The following DHX29 variants were observed in gnomAD, a reference collection of about 807,000 sequenced individuals.
DHX29 encodes the protein ATP-dependent RNA helicase DHX29.
DHX29 carries 79 observed loss-of-function variants against 167.9 expected under a neutral mutation model. That is an observed-to-expected ratio of 0.47 (90% CI 0.39 to 0.57). DHX29 has a LOEUF of 0.57. DHX29 is among the 20% of genes least tolerant of loss of function. The pLI is 0.00. For synonymous variants in DHX29, 530 were observed against 546.0 expected, an observed-to-expected ratio of 0.97 and a Z score of 0.41; for missense variants, 1,347 against 1,593.4, an observed-to-expected ratio of 0.85 and a Z score of 2.63.
At position 55,256,351 on chromosome 5, in the gene DHX29, T is replaced by C. The variant is rs563133509; in HGVS notation, c.*137A>G. ...ATACATGTTTAAAGTATGTGCTTTT[T>C]TCCCACCACCTTTAAGTTAATGGCT... On this transcript the variant is annotated 3_prime_UTR_variant, in exon 27 of 27. Transcript: ENST00000251636. The C allele has an allele frequency of 3.3e-5, 21 of 629,472 alleles. No homozygotes were observed. The highest frequency in any genetic ancestry group is 4.8e-5 in the Non-Finnish European group (19 of 399,706). 39.0% of individuals were successfully genotyped at this position (629,472 alleles called of 1,614,324 possible).
intron 20 of DHX29, 90 bp downstream of exon 20, chr5:55,270,322 A>C (rs1372964841): frequency 7.2e-6 from 10 of 1,383,796 alleles, no homozygotes; most frequent in Non-Finnish European, 9.7e-6. Context: ...TGAAAATCTA[A>C]AGCAATATAA....
At chr5:55,277,309 TTCA>T (rs1462927493) in intron 12 of DHX29, 27 bp from the exon 13 acceptor site, 3 of 1,499,946 alleles carry the variant, frequency 2.0e-6, no homozygotes, top group African/African-American at 2.8e-5. Flanking sequence ...AATAAAAAAG[TTCA>T]TCATATATTG....
intron 23 of DHX29, among the ~76,000 whole-genome samples, chr5:55,266,744 T>C (rs1026778825): frequency 1.3e-5 from 2 of 151,998 alleles, no homozygotes; most frequent in Non-Finnish European, 2.9e-5. Context: ...GTCTCCTGAG[T>C]AGCTGGGACT....
intron 26 of DHX29, among the ~76,000 whole-genome samples, chr5:55,256,778 A>G (rs116482711): frequency 0.032 from 4,820 of 152,334 alleles, 101 homozygotes; most frequent in Non-Finnish European, 0.046. Flanking sequence ...AACAGATAAC[A>G]TTTGTATAGG....
Position 55,294,583 on chromosome 5 carries a change from G to A in DHX29, c.652-438C>T, listed in dbSNP as rs184903412. Among the ~76,000 whole-genome samples the A allele has an allele frequency of 3.8e-3, 575 of 152,342 alleles. 3 individuals are homozygous for A. The highest frequency in any genetic ancestry group is 6.2e-3 in the Non-Finnish European group (423 of 68,034). The stretch of plus-strand genomic sequence containing the variant: ...CCAGCTACTCGGGAGGCTGAGGCAG[G>A]AGAATGGCGTGAAGCCAGGAGGCGG... On this transcript the variant is annotated intron_variant, in intron 5 of 26. Coordinates refer to ENST00000251636, the MANE Select transcript of DHX29 (RefSeq NM_019030.4).
At chr5:55,260,467 A>ATG (rs1746261292) in intron 25 of DHX29, among the ~76,000 whole-genome samples, 1 of 151,524 alleles carries the variant, frequency 6.6e-6, no homozygotes, top group Non-Finnish European at 1.5e-5. Flanking sequence ...TCCTGACCTC[A>ATG]TGATCCACCT....
chr5:55,295,554 A>G (rs1214525676), intron 4 of DHX29, 30 bp from the exon 5 acceptor site: 19 of 1,604,348 alleles, frequency 1.2e-5, no homozygotes, highest in Non-Finnish European at 1.4e-5. Context: ...TGCTGAAAAT[A>G]AACAGGCATA....
At chr5:55,266,160 G>A (rs1190162181) in intron 23 of DHX29, among the ~76,000 whole-genome samples, 1 of 151,644 alleles carries the variant, frequency 6.6e-6, no homozygotes, top group Non-Finnish European at 1.5e-5. Context: ...CATCACACCT[G>A]GCTCATTTTT....
chr5:55,289,255 T>A lies in DHX29; in HGVS notation c.1066+15A>T. On this transcript the variant is annotated intron_variant, in intron 8 of 26. Coordinates refer to ENST00000251636, the MANE Select transcript of DHX29 (RefSeq NM_019030.4). Reference sequence around the variant, plus strand: ...ATTTACAAATTACACCCTGACCATCTTCCCTTAATTTTACCTTTCTCTTCT... The same window carrying A: ...ATTTACAAATTACACCCTGACCATCATCCCTTAATTTTACCTTTCTCTTCT... The A allele has an allele frequency of 6.5e-7, 1 of 1,533,336 alleles. No homozygotes were observed. The allele number at this position is 1,533,336 out of a possible 1,614,324, so 95.0% of individuals were successfully genotyped here.
Position 55,290,258 on chromosome 5 carries a change from G to A in DHX29, c.867C>T (p.Gly289=). ...ATFKLEKNKQ[G]QKEAQEKIRK... ...TTATTTTTTCCTGAGCCTCTTTTTG[G>A]CCTTGCTTGTTTTTTTCTAGTTTAA... Residue 289 remains glycine, a synonymous_variant, in exon 7 of 27, where the codon GGC becomes GGT. Transcript: ENST00000251636. 10 of 1,610,780 alleles carry A rather than the reference G, an allele frequency of 6.2e-6. 1 individual carries two copies. Among genetic ancestry groups the A allele is most frequent in the South Asian group, 2.2e-5 (2 of 90,588 alleles).
chr5:55,285,553 A>G lies in DHX29; in HGVS notation c.1233-137T>C, dbSNP rs987970634. The stretch of plus-strand genomic sequence containing the variant: ...ATGGAAGGCATTATTAGATAATGAT[A>G]ATCTATCAGACAATAAACCTGAGAT... On this transcript the variant is annotated intron_variant, in intron 9 of 26. Transcript: ENST00000251636. 4 of 1,221,162 alleles carry G rather than the reference A, an allele frequency of 3.3e-6. No individual in the cohort carries two copies. The African/African-American group carries it at 6.1e-5, about 19-fold the overall frequency. The allele number at this position is 1,221,162 out of a possible 1,614,324, so 75.6% of individuals were successfully genotyped here.
At chr5:55,258,711 C>T (rs1420453762) in intron 26 of DHX29, among the ~76,000 whole-genome samples, 4 of 152,012 alleles carry the variant, frequency 2.6e-5, no homozygotes, top group South Asian at 2.1e-4. Flanking sequence ...CCACCAGGCC[C>T]GGCTAACTTT....
At chr5:55,278,611 A>AT (rs1747241911) in intron 12 of DHX29, among the ~76,000 whole-genome samples, 1 of 152,246 alleles carries the variant, frequency 6.6e-6, no homozygotes. Context: ...AAGATACTGT[A>AT]TAGGATGGTT....
At chr5:55,272,289 A>C (rs1197010966) in intron 17 of DHX29, 114 bp from the exon 18 acceptor site, 2 of 670,322 alleles carry the variant, frequency 3.0e-6, no homozygotes, top group Non-Finnish European at 5.0e-6. Flanking sequence ...AATTTCAGTC[A>C]CAAAAATTTA....
intron 8 of DHX29, among the ~76,000 whole-genome samples, chr5:55,287,214 G>A (rs1441010486): frequency 1.3e-5 from 2 of 152,186 alleles, no homozygotes; most frequent in Admixed American, 1.3e-4. Context: ...GCCGAGGTGG[G>A]TGGATCACCT....
rs769488829 is a variant in DHX29, at chr5:55,269,656, A to G, written c.3070-19T>C. 5 of 1,592,016 alleles carry G rather than the reference A, an allele frequency of 3.1e-6. No individual in the cohort carries two copies. The Admixed American group carries it at 8.4e-5, about 27-fold the overall frequency. The stretch of plus-strand genomic sequence containing the variant: ...TACATTTCTGCAGATTAAAAAAGCA[A>G]TAAAATTGGTATGAAATCAAAGAAT... On this transcript the variant is annotated intron_variant, in intron 20 of 26. Transcript: ENST00000251636.
rs1402534880 is a variant in DHX29, at chr5:55,307,494, G to A, written c.80C>T (p.Ser27Phe). 4 of 1,613,716 alleles carry A rather than the reference G, an allele frequency of 2.5e-6. No homozygotes were observed. The South Asian group carries it at 4.4e-5, about 18-fold the overall frequency. ...RAAVSASRAK[S>F]AEAGIAGEAQ... ...CTCCCCGGCAATTCCAGCCTCGGCAGATTTGGCTCTGGAAGCAGACACGGC... is the reference window on the plus strand; with the variant it reads ...CTCCCCGGCAATTCCAGCCTCGGCAAATTTGGCTCTGGAAGCAGACACGGC... The change falls in exon 1 of 27, where the codon TCT becomes TTT. Residue 27 changes from serine to phenylalanine, a missense_variant. Physicochemically the swap from Ser to Phe is radical, Grantham distance 155. Around this residue, in one of 3 missense-constraint regions of DHX29, gnomAD observed 405 missense variants for 416.8 expected, o/e 0.97. Transcript: ENST00000251636.
Position 55,297,405 on chromosome 5 carries a change from A to T in DHX29, c.262-7T>A. The stretch of plus-strand genomic sequence containing the variant: ...GTTTGTTATTAATTACCACCTGTTG[A>T]GGCCAAAAAGGTCATATCATTTAGA... On this transcript the variant is annotated splice_polypyrimidine_tract_variant and splice_region_variant and intron_variant, in intron 2 of 26. Transcript: ENST00000251636. 1 of 1,053,308 alleles carries T rather than the reference A, an allele frequency of 9.5e-7. No homozygotes were observed. The highest frequency in any genetic ancestry group is 1.5e-6 in the Non-Finnish European group (1 of 676,838). 65.2% of individuals were successfully genotyped at this position (1,053,308 alleles called of 1,614,324 possible).
chr5:55,306,276 C>G (rs1748854680), intron 1 of DHX29, among the ~76,000 whole-genome samples: 1 of 152,166 alleles, frequency 6.6e-6, no homozygotes, highest in Non-Finnish European at 1.5e-5. Flanking sequence ...GTGAATTCCT[C>G]AAGAGCCCCA....
Sources: allele counts gnomAD v4.1 joint callset (sites outside exome capture counted in the v4.1 genomes callset), GRCh38; gene constraint gnomAD v4.1.1; regional missense constraint gnomAD v4.1.1; transcripts MANE v1.5; gene names NCBI Gene and HGNC (gene_info 2026-07-23, HGNC 2026-07-21).